SPAG4: variants seen among roughly 807,000 people sequenced by gnomAD.
The protein encoded by SPAG4 is sperm-associated antigen 4 protein.
SPAG4 carries 54 observed loss-of-function variants against 53.9 expected under a neutral mutation model. That is an observed-to-expected ratio of 1.00 (90% CI 0.80 to 1.26). The LOEUF (loss-of-function observed/expected upper bound fraction) is 1.26, where lower values mean the gene tolerates loss of function less well. Ranked by LOEUF, SPAG4 falls within the 50% of genes most tolerant of loss-of-function variation. The pLI is 0.00. For synonymous variants in SPAG4, 246 were observed against 237.4 expected, an observed-to-expected ratio of 1.04 and a Z score of -0.33; for missense variants, 548 against 568.6, an observed-to-expected ratio of 0.96 and a Z score of 0.37.
In SPAG4 at chr20:35,619,708, G is replaced by A. The variant is rs2031512618; in HGVS notation, c.1039G>A (p.Gly347Arg). Residue 347 changes from glycine to arginine, a missense_variant, in exon 10 of 12, where the codon GGA becomes AGA. Gly to Arg is a moderately radical substitution (Grantham distance 125). Coordinates refer to ENST00000374273, the MANE Select transcript of SPAG4 (RefSeq NM_003116.3). ...TCCACCGCCCAGCGTGGAGCACACC[G>A]GAGGAGCCAACAGCGCCCCCCGCGA... ...QHPPPSVEHT[G>R]GANSAPRDFA... 3 of 1,612,764 alleles carry A rather than the reference G, an allele frequency of 1.9e-6. No homozygotes were observed. Among genetic ancestry groups the A allele is most frequent in the South Asian group, 1.1e-5 (1 of 91,036 alleles).
intron 5 of SPAG4, 36 bp from the exon 6 acceptor site, chr20:35,618,414 C>G (rs1262915837): frequency 6.2e-7 from 1 of 1,613,522 alleles, no homozygotes; most frequent in Admixed American, 1.7e-5. Flanking sequence ...ACGACGGGAG[C>G]TGAGCGGCTC....
At chr20:35,618,844 C>T in intron 7 of SPAG4, 79 bp from the exon 8 acceptor site, 3 of 1,484,274 alleles carry the variant, frequency 2.0e-6, no homozygotes, top group Admixed American at 1.7e-5. Flanking sequence ...CCAAAGCAAC[C>T]AGCTCCCAGA....
At position 35,617,519 on chromosome 20, in the gene SPAG4, G is replaced by T. The variant is rs1188548405; in HGVS notation, c.410-1G>T. ...TCTCTGACCCTCTGTCCTGGCCTCAGGCCTGCTCTTCCAGGGGCTGAGCGT... is the reference window on the plus strand; with the variant it reads ...TCTCTGACCCTCTGTCCTGGCCTCATGCCTGCTCTTCCAGGGGCTGAGCGT... On this transcript the variant is annotated splice_acceptor_variant, in intron 2 of 11. Coordinates refer to ENST00000374273, the MANE Select transcript of SPAG4 (RefSeq NM_003116.3). LOFTEE classifies it high-confidence loss of function. The T allele has an allele frequency of 6.3e-7, 1 of 1,589,880 alleles. No homozygotes were observed. Among genetic ancestry groups the T allele is most frequent in the Non-Finnish European group, 8.6e-7 (1 of 1,167,166 alleles).
In SPAG4 at chr20:35,618,903, C is replaced by G; in HGVS notation, c.718-20C>G. 1 of 1,612,612 alleles carries G rather than the reference C, an allele frequency of 6.2e-7. No individual in the cohort carries two copies. The highest frequency in any genetic ancestry group is 1.1e-5 in the South Asian group (1 of 91,054). On this transcript the variant is annotated intron_variant, in intron 7 of 11. Coordinates refer to ENST00000374273, the MANE Select transcript of SPAG4 (RefSeq NM_003116.3). ...GCCCGCAAGCCTCGCCCCTCCAGGC[C>G]TCGCCCTCCCTCCTTGCAGAGAGTG...
chr20:35,620,989 G>A lies in SPAG4; in HGVS notation c.1281G>A (p.Glu427=). Residue 427 remains glutamate, a synonymous_variant, in exon 12 of 12, where the codon GAG becomes GAA. Transcript: ENST00000374273. The part of the protein sequence containing the change: ...RVRAHGVRTS[E]GAEGSAQGPH ...GTGCCCACGGTGTGCGAACCTCAGA[G>A]GGGGCAGAGGGCAGTGCACAGGGGC... 1 of 1,614,240 alleles carries A rather than the reference G, an allele frequency of 6.2e-7. No individual in the cohort carries two copies. The highest frequency in any genetic ancestry group is 8.5e-7 in the Non-Finnish European group (1 of 1,180,042).
chr20:35,619,581 C>T lies in SPAG4; in HGVS notation c.912C>T (p.Pro304=). ...YARPPTVILE[P]HVFPGNCWAF... ...ATGGTCCCTCCGCCCGCCTGCAGCCCCACGTGTTCCCTGGGAATTGCTGGG... is the reference window on the plus strand; with the variant it reads ...ATGGTCCCTCCGCCCGCCTGCAGCCTCACGTGTTCCCTGGGAATTGCTGGG... The change falls in exon 10 of 12, where the codon CCC becomes CCT. Residue 304 remains proline, a splice_region_variant and synonymous_variant. Coordinates refer to ENST00000374273, the MANE Select transcript of SPAG4 (RefSeq NM_003116.3). The T allele has an allele frequency of 6.2e-7, 1 of 1,612,784 alleles. No homozygotes were observed. The highest frequency in any genetic ancestry group is 8.5e-7 in the Non-Finnish European group (1 of 1,179,128).
At chr20:35,618,506 G>A (rs904415188) in intron 6 of SPAG4, 31 bp downstream of exon 6, 6 of 1,613,422 alleles carry the variant, frequency 3.7e-6, no homozygotes, top group East Asian at 2.2e-5. Context: ...TGGGAAATTG[G>A]GGGGCTCAAA....
rs2031512929 is a variant in SPAG4 at position 35,619,711 on chromosome 20, G to A, written c.1042G>A (p.Gly348Arg). The stretch of plus-strand genomic sequence containing the variant: ...ACCGCCCAGCGTGGAGCACACCGGA[G>A]GAGCCAACAGCGCCCCCCGCGATTT... ...HPPPSVEHTG[G>R]ANSAPRDFAV... The change falls in exon 10 of 12, where the codon GGA becomes AGA. Residue 348 changes from glycine to arginine, a missense_variant. Coordinates refer to ENST00000374273, the MANE Select transcript of SPAG4 (RefSeq NM_003116.3). 1.2e-6 allele frequency: 2 copies of A among 1,612,518 alleles called. No individual in the cohort carries two copies. Among genetic ancestry groups the A allele is most frequent in the Non-Finnish European group, 8.5e-7 (1 of 1,178,838 alleles).
In SPAG4 at chr20:35,616,029, C is replaced by A. The variant is rs2031359193; in HGVS notation, c.26C>A (p.Ser9Ter). The A allele has an allele frequency of 6.8e-6, 11 of 1,612,268 alleles. No homozygotes were observed. Among genetic ancestry groups the A allele is most frequent in the Non-Finnish European group, 9.3e-6 (11 of 1,179,622 alleles). ...ATGCGGCGAAGCTCCCGCCCGGGCT[C>A]GGCCTCGTCCTCGCGCAAGCACACG... Reference protein sequence around the residue: MRRSSRPGSASSSRKHTPN... With the variant: MRRSSRPG Residue 9 changes from serine (S) to a stop codon, truncating the protein, a stop_gained, in exon 1 of 12, where the codon TCG becomes TAG. Transcript: ENST00000374273. LOFTEE classifies it high-confidence loss of function.
At chr20:35,617,427 CTCCCA>C in intron 2 of SPAG4, 88 bp from the exon 3 acceptor site, 1 of 1,221,830 alleles carries the variant, frequency 8.2e-7, no homozygotes, top group Non-Finnish European at 1.2e-6. Context: ...CCCCCGGCCC[CTCCCA>C]AGCCCCTTCT....
chr20:35,619,505 G>A, intron 9 of SPAG4, 74 bp from the exon 10 acceptor site: 1 of 1,574,198 alleles, frequency 6.4e-7, no homozygotes, highest in Middle Eastern at 1.9e-4. Flanking sequence ...ATGGGGTCGA[G>A]CTGAGGCCCG....
intron 8 of SPAG4, 52 bp downstream of exon 8, chr20:35,619,050 G>C (rs1277715815): frequency 2.0e-6 from 3 of 1,533,894 alleles, no homozygotes; most frequent in African/African-American, 2.7e-5. Flanking sequence ...AAGAGGCCAA[G>C]ACACTGACAC....
At chr20:35,616,668 T>C (rs1207204405) in intron 1 of SPAG4, among the ~76,000 whole-genome samples, 2 of 150,648 alleles carry the variant, frequency 1.3e-5, no homozygotes, top group Non-Finnish European at 3.0e-5. Context: ...GTTTCGCTCC[T>C]GTTGCCCATG....
chr20:35,617,478 C>T (rs1373944608), intron 2 of SPAG4, 42 bp from the exon 3 acceptor site: 1 of 1,532,970 alleles, frequency 6.5e-7, no homozygotes, highest in Non-Finnish European at 8.9e-7. Flanking sequence ...CCCCGCCTCT[C>T]CCTGCCGTGG....
rs760496269 is a variant in SPAG4 at position 35,617,841 on chromosome 20, G to C, written c.538+1G>C. 8.7e-6 allele frequency: 14 copies of C among 1,614,002 alleles called. No homozygotes were observed. The highest frequency in any genetic ancestry group is 1.2e-5 in the Non-Finnish European group (14 of 1,179,910). The stretch of plus-strand genomic sequence containing the variant: ...TCGCTGCTGAGCCTCTTTCTGTCAG[G>C]TGAGGGGCAGTGAATTCCCTGGAGC... On this transcript the variant is annotated splice_donor_variant, in intron 4 of 11. Coordinates refer to ENST00000374273, the MANE Select transcript of SPAG4 (RefSeq NM_003116.3). LOFTEE classifies it high-confidence loss of function.
chr20:35,618,787 C>G (rs995034759), intron 7 of SPAG4, 67 bp downstream of exon 7: 1 of 1,441,968 alleles, frequency 6.9e-7, no homozygotes, highest in African/African-American at 1.4e-5. Flanking sequence ...GACTTAAGCT[C>G]CGCCCAGAGC....
At chr20:35,616,584 C>T (rs919141247) in intron 1 of SPAG4, among the ~76,000 whole-genome samples, 1 of 145,968 alleles carries the variant, frequency 6.9e-6, no homozygotes, top group Non-Finnish European at 1.5e-5. Context: ...TGGGTTCCAC[C>T]AAGATCTAAG....
At chr20:35,616,482 A>T (rs1601403598) in intron 1 of SPAG4, 175 bp downstream of exon 1, 3 of 730,694 alleles carry the variant, frequency 4.1e-6, no homozygotes, top group Non-Finnish European at 5.0e-6. Context: ...GGTGTCCTGG[A>T]CGGTTATGGG....
At chr20:35,616,457 A>G in intron 1 of SPAG4, 150 bp downstream of exon 1, 1 of 1,206,508 alleles carries the variant, frequency 8.3e-7, no homozygotes, top group South Asian at 2.0e-5. Context: ...GAGATCCCTT[A>G]AGGGGCGGAG....
Sources: allele counts gnomAD v4.1 joint callset (sites outside exome capture counted in the v4.1 genomes callset), GRCh38; gene constraint gnomAD v4.1.1; transcripts MANE v1.5; gene names NCBI Gene and HGNC (gene_info 2026-07-23, HGNC 2026-07-21).